Variants in CCDC40 observed in about 807,000 individuals in gnomAD.
CCDC40 encodes the protein coiled-coil domain-containing protein 40.
CCDC40 carries 104 observed loss-of-function variants against 124.5 expected under a neutral mutation model. The ratio of observed to expected loss-of-function variants is 0.84; its 90% CI spans 0.71 to 0.98. The LOEUF (loss-of-function observed/expected upper bound fraction) is 0.98. CCDC40 is among the 50% of genes least tolerant of loss of function. CCDC40 has a pLI of 0.00. For synonymous variants in CCDC40, 580 were observed against 602.9 expected, an observed-to-expected ratio of 0.96 and a Z score of 0.56; for missense variants, 1,463 against 1,503.9, an observed-to-expected ratio of 0.97 and a Z score of 0.45.
intron 17 of CCDC40, chr17:80,090,283 C>G: frequency 7.6e-7 from 1 of 1,310,746 alleles, no homozygotes. Context: ...GCACGAACAA[C>G]ACGGGACGCG....
intron 10 of CCDC40, chr17:80,068,155 T>C (rs537552421): frequency 5.1e-6 from 1 of 196,212 alleles, no homozygotes; most frequent in East Asian, 1.9e-4. Flanking sequence ...TGCCTCAGCC[T>C]CCCAAGTAGC....
chr17:80,100,128 T>G lies in CCDC40; in HGVS notation c.*353T>G, dbSNP rs1262348513. On this transcript the variant is annotated 3_prime_UTR_variant, in exon 20 of 20. Transcript: ENST00000397545. ...TCTCACAACACAACGCTGCCACAGG[T>G]CCACAAGCTGGTGGGCTGAGCAGAG... 1 of 347,162 alleles carries G rather than the reference T, an allele frequency of 2.9e-6. No individual in the cohort carries two copies. The highest frequency in any genetic ancestry group is 2.1e-5 in the African/African-American group (1 of 46,724). 21.5% of individuals were successfully genotyped at this position (347,162 alleles called of 1,614,324 possible). A position where few individuals can be genotyped will look rare whatever the true frequency, so the allele number is the denominator to read the frequency against.
intron 3 of CCDC40, among the ~76,000 whole-genome samples, chr17:80,045,632 AG>A (rs2037401504): frequency 6.6e-6 from 1 of 152,114 alleles, no homozygotes; most frequent in African/African-American, 2.4e-5. Context: ...TGAACCCAGG[AG>A]GCGGAGTTTG....
Position 80,067,642 on chromosome 17 carries a change from A to G in CCDC40, c.1562+2036A>G, listed in dbSNP as rs765611676. ...TCGAGGGCGTTCGCGTCCGTCTGTT[A>G]TGGCGGTGCTGCTGTAGATAACCGG... On this transcript the variant is annotated intron_variant, in intron 10 of 19. Coordinates refer to ENST00000397545, the MANE Select transcript of CCDC40 (RefSeq NM_017950.4). The G allele has an allele frequency of 2.5e-4, 388 of 1,536,022 alleles. 6 individuals carry two copies. The highest frequency in any genetic ancestry group is 1.6e-5 in the Non-Finnish European group (18 of 1,146,910).
At chr17:80,074,021 A>G (rs2038254606) in intron 10 of CCDC40, among the ~76,000 whole-genome samples, 1 of 152,226 alleles carries the variant, frequency 6.6e-6, no homozygotes, top group South Asian at 2.1e-4. Flanking sequence ...GAAATGATTA[A>G]GCTTCATGAG....
chr17:80,056,115 G>T (rs2037743824), intron 7 of CCDC40, among the ~76,000 whole-genome samples: 1 of 147,440 alleles, frequency 6.8e-6, no homozygotes, highest in Non-Finnish European at 1.5e-5. Context: ...GCCTCCCAAA[G>T]TCCTGGGATT....
intron 3 of CCDC40, chr17:80,040,545 G>A (rs895216086): frequency 2.7e-4 from 123 of 450,434 alleles, no homozygotes; most frequent in Admixed American, 1.4e-3. Flanking sequence ...CAGGCGTGGT[G>A]GCGCACGCCT....
chr17:80,066,402 C>G lies in CCDC40; in HGVS notation c.1562+796C>G. ...CTGTGATTAAAGAAACAAAATGAAA[C>G]CATTTTGTTTTTAAAAGTTTTTAGA... On this transcript the variant is annotated intron_variant, in intron 10 of 19. Transcript: ENST00000397545. The surrounding 1 kb of genome is among the most constrained non-coding windows in gnomAD (Gnocchi z 4.4). 3.7e-6 allele frequency: 2 copies of G among 539,582 alleles called. No homozygotes were observed. Among genetic ancestry groups the G allele is most frequent in the Non-Finnish European group, 6.6e-6 (2 of 303,952 alleles). 33.4% of individuals were successfully genotyped at this position (539,582 alleles called of 1,614,324 possible).
intron 10 of CCDC40, among the ~76,000 whole-genome samples, chr17:80,071,148 G>T (rs1211415170): frequency 6.6e-6 from 1 of 152,222 alleles, no homozygotes; most frequent in Non-Finnish European, 1.5e-5. Context: ...ACAAAGCCTG[G>T]ACCGCACTTA....
chr17:80,082,168 C>T (rs1244330487), intron 12 of CCDC40, 110 bp downstream of exon 12: 9 of 826,998 alleles, frequency 1.1e-5, no homozygotes, highest in African/African-American at 2.2e-5. Flanking sequence ...GCAGAGGGCC[C>T]TCCTGTGCTC....
chr17:80,053,104 AT>A (rs2037647586), intron 7 of CCDC40, among the ~76,000 whole-genome samples: 1 of 152,206 alleles, frequency 6.6e-6, no homozygotes, highest in Non-Finnish European at 1.5e-5. Context: ...CGAAAGGGAG[AT>A]TTCAGGAGAT....
In CCDC40 at chr17:80,086,234, C is replaced by A; in HGVS notation, c.2449+18C>A. 6.4e-7 allele frequency: 1 copy of A among 1,568,794 alleles called. No homozygotes were observed. The highest frequency in any genetic ancestry group is 1.9e-5 in the Admixed American group (1 of 53,256). ...AGTAGAAAGTAAGAGCCGCCGTGCC[C>A]GGCCCTGCAGTGATGCTGAGACGAG... On this transcript the variant is annotated intron_variant, in intron 14 of 19. Transcript: ENST00000397545. This position sits in a 1 kb window ranked among gnomAD's most constrained non-coding sequence, Gnocchi z 5.5.
rs1021994982 is a variant in CCDC40, at chr17:80,066,907, G to C, written c.1562+1301G>C. On this transcript the variant is annotated intron_variant, in intron 10 of 19. Transcript: ENST00000397545. The surrounding 1 kb of genome is among the most constrained non-coding windows in gnomAD (Gnocchi z 4.4). Reference sequence around the variant, plus strand: ...CGAGGAACCAGAGCCAGCTGTGGCCGGGCAAGGGCTCCTCTCCCTGTGTCA... The same window carrying C: ...CGAGGAACCAGAGCCAGCTGTGGCCCGGCAAGGGCTCCTCTCCCTGTGTCA... 6.6e-6 allele frequency: 1 copy of C among 152,498 alleles called. No individual in the cohort carries two copies. The highest frequency in any genetic ancestry group is 1.5e-5 in the Non-Finnish European group (1 of 68,316). The allele number at this position is 152,498 out of a possible 1,614,324, so 9.4% of individuals were successfully genotyped here. A position where few individuals can be genotyped will look rare whatever the true frequency, so the allele number is the denominator to read the frequency against.
chr17:80,038,099 G>C (rs1254165789), intron 1 of CCDC40, 24 bp from the exon 2 acceptor site: 1 of 1,550,302 alleles, frequency 6.5e-7, no homozygotes, highest in South Asian at 1.1e-5. Flanking sequence ...GCTTGAAACT[G>C]TTCAATTGTT....
Position 80,100,070 on chromosome 17 carries a change from T to G in CCDC40, c.*295T>G, listed in dbSNP as rs996375234. On this transcript the variant is annotated 3_prime_UTR_variant, in exon 20 of 20. Coordinates refer to ENST00000397545, the MANE Select transcript of CCDC40 (RefSeq NM_017950.4). ...TGGGCTTACTCGTCCAGGTAACACT[T>G]TGGTTTGCAGCACTCCCAAATCTGC... The G allele has an allele frequency of 9.0e-6, 4 of 444,588 alleles. No individual in the cohort carries two copies. The highest frequency in any genetic ancestry group is 1.7e-5 in the Non-Finnish European group (4 of 239,818). 27.5% of individuals were successfully genotyped at this position (444,588 alleles called of 1,614,324 possible). A position where few individuals can be genotyped will look rare whatever the true frequency, so the allele number is the denominator to read the frequency against.
chr17:80,051,940 A>G (rs2037609571), intron 7 of CCDC40, among the ~76,000 whole-genome samples: 1 of 152,232 alleles, frequency 6.6e-6, no homozygotes, highest in Non-Finnish European at 1.5e-5. Context: ...CCTGGAGATT[A>G]GGAGAGGGCC....
At chr17:80,051,651 A>C (rs1006457175) in intron 7 of CCDC40, among the ~76,000 whole-genome samples, 1 of 146,862 alleles carries the variant, frequency 6.8e-6, no homozygotes, top group African/African-American at 2.6e-5. Context: ...AAAAAAAAAA[A>C]AAAGAAAAAA....
chr17:80,043,232 G>A (rs2037326790), intron 3 of CCDC40, among the ~76,000 whole-genome samples: 1 of 152,120 alleles, frequency 6.6e-6, no homozygotes, highest in African/African-American at 2.4e-5. Context: ...CCTTCTTTGA[G>A]GGCTTTCTTG....
In CCDC40 at chr17:80,099,976, G is replaced by T; in HGVS notation, c.*201G>T. The T allele has an allele frequency of 1.6e-6, 1 of 617,868 alleles. No individual in the cohort carries two copies. The highest frequency in any genetic ancestry group is 2.0e-5 in the South Asian group (1 of 51,162). The allele number at this position is 617,868 out of a possible 1,614,324, so 38.3% of individuals were successfully genotyped here. Reference sequence around the variant, plus strand: ...TTAATAAACCAGGTAAAATCCTAGCGTTTCCCATGGCATCCCATCGCAAAG... The same window carrying T: ...TTAATAAACCAGGTAAAATCCTAGCTTTTCCCATGGCATCCCATCGCAAAG... On this transcript the variant is annotated 3_prime_UTR_variant, in exon 20 of 20. Transcript: ENST00000397545.
Sources: allele counts gnomAD v4.1 joint callset (sites outside exome capture counted in the v4.1 genomes callset), GRCh38; gene constraint gnomAD v4.1.1; non-coding constraint Gnocchi (gnomAD v3.1); transcripts MANE v1.5; gene names NCBI Gene and HGNC (gene_info 2026-07-23, HGNC 2026-07-21).